FOXP1: variants seen among roughly 807,000 people sequenced by gnomAD.
The protein encoded by FOXP1 is forkhead box protein P1.
A neutral mutation model predicts 98.2 loss-of-function variants in FOXP1; 15 were observed. That is an observed-to-expected ratio of 0.15 (90% confidence interval 0.10 to 0.24). The LOEUF (loss-of-function observed/expected upper bound fraction) is 0.24, where lower values mean the gene tolerates loss of function less well. Ranked by LOEUF, FOXP1 falls within the 10% of genes least tolerant of loss-of-function variation. FOXP1 has a pLI of 1.00. For missense variants in FOXP1, 633 were observed against 848.5 expected, an observed-to-expected ratio of 0.75 and a Z score of 3.15; for synonymous variants, 371 against 314.5, an observed-to-expected ratio of 1.18 and a Z score of -1.90.
At chr3:71,318,304 C>A (rs2075198836) in intron 4 of FOXP1, among the ~76,000 whole-genome samples, 1 of 152,088 alleles carries the variant, frequency 6.6e-6, no homozygotes, top group African/African-American at 2.4e-5. Flanking sequence ...CTCTGTACCT[C>A]CAGTGACAGG....
intron 10 of FOXP1, among the ~76,000 whole-genome samples, chr3:71,043,547 A>G (rs1030559150): frequency 6.6e-6 from 1 of 152,194 alleles, no homozygotes; most frequent in Non-Finnish European, 1.5e-5. Context: ...TGTTTACTCA[A>G]TGGAAACAAT....
At chr3:71,470,002 T>A (rs1224979050) in intron 3 of FOXP1, among the ~76,000 whole-genome samples, 2 of 151,896 alleles carry the variant, frequency 1.3e-5, no homozygotes, top group Non-Finnish European at 2.9e-5. Context: ...CTCTCTCTCC[T>A]CTCGCTTTCC....
At chr3:70,995,819 C>T (rs1302994839) in intron 13 of FOXP1, among the ~76,000 whole-genome samples, 2 of 152,136 alleles carry the variant, frequency 1.3e-5, no homozygotes. Context: ...CCAACCCTTC[C>T]CTGTTAACAA....
At chr3:70,966,661 G>C (rs1010529533) in intron 19 of FOXP1, among the ~76,000 whole-genome samples, 2 of 152,094 alleles carry the variant, frequency 1.3e-5, no homozygotes, top group African/African-American at 2.4e-5. Flanking sequence ...GAAACACCAC[G>C]TAGTGTTTCA....
chr3:71,527,523 C>T (rs2043488401), intron 2 of FOXP1, among the ~76,000 whole-genome samples: 1 of 152,210 alleles, frequency 6.6e-6, no homozygotes, highest in Admixed American at 6.5e-5. Context: ...TCAGATTATG[C>T]TAAAAGCTAT....
chr3:71,198,105 C>T, intron 6 of FOXP1, 97 bp downstream of exon 6: 2 of 1,613,784 alleles, frequency 1.2e-6, no homozygotes, highest in Admixed American at 1.7e-5. Context: ...GACAGGTGAA[C>T]ACAAAACACT....
chr3:70,964,362 C>A (rs1209892675), intron 20 of FOXP1, among the ~76,000 whole-genome samples: 1 of 152,206 alleles, frequency 6.6e-6, no homozygotes, highest in Non-Finnish European at 1.5e-5. Context: ...TCACTCTGAA[C>A]TGGTGCCTGT....
chr3:71,389,025 T>A (rs1045828298), intron 3 of FOXP1, among the ~76,000 whole-genome samples: 4 of 151,944 alleles, frequency 2.6e-5, no homozygotes, highest in Non-Finnish European at 5.9e-5. Flanking sequence ...TTAATAAAGG[T>A]TCTCAGAATC....
intron 1 of FOXP1, chr3:71,583,365 G>A (rs1161039403): frequency 6.4e-6 from 5 of 775,794 alleles, no homozygotes; most frequent in Non-Finnish European, 7.8e-6. Context: ...ACCCGGGGGG[G>A]AGAGGAAGAG....
At chr3:71,434,474 C>T (rs1440350786) in intron 3 of FOXP1, among the ~76,000 whole-genome samples, 1 of 152,118 alleles carries the variant, frequency 6.6e-6, no homozygotes, top group Non-Finnish European at 1.5e-5. Flanking sequence ...GTACCTGAGG[C>T]CTTACGTTTT....
chr3:71,228,205 G>A (rs1459704429), intron 5 of FOXP1, among the ~76,000 whole-genome samples: 1 of 152,094 alleles, frequency 6.6e-6, no homozygotes, highest in African/African-American at 2.4e-5. Flanking sequence ...TAGGTCACTG[G>A]GATGCTTCCT....
chr3:71,429,095 T>C (rs2084435782), intron 3 of FOXP1, among the ~76,000 whole-genome samples: 1 of 152,162 alleles, frequency 6.6e-6, no homozygotes, highest in Non-Finnish European at 1.5e-5. Context: ...AGGCACAGGC[T>C]GGGGACGAGA....
intron 6 of FOXP1, among the ~76,000 whole-genome samples, chr3:71,139,937 T>G (rs748298716): frequency 1.3e-5 from 2 of 152,150 alleles, no homozygotes; most frequent in Non-Finnish European, 2.9e-5. Flanking sequence ...GGTTCCTAAG[T>G]GCCTCTGAAT....
At chr3:71,200,000 G>A (rs1046568645) in intron 5 of FOXP1, among the ~76,000 whole-genome samples, 2 of 149,398 alleles carry the variant, frequency 1.3e-5, no homozygotes, top group African/African-American at 2.5e-5. Flanking sequence ...TGCTTGAACC[G>A]GGACCTGGGA....
At chr3:71,460,437 T>G (rs963409646) in intron 3 of FOXP1, among the ~76,000 whole-genome samples, 18 of 151,584 alleles carry the variant, frequency 1.2e-4, no homozygotes, top group East Asian at 2.0e-4. Context: ...TTCGTTTTTT[T>G]TTGTTGTTGT....
At chr3:71,242,457 A>G (rs796228941) in intron 5 of FOXP1, among the ~76,000 whole-genome samples, 17 of 152,350 alleles carry the variant, frequency 1.1e-4, no homozygotes, top group African/African-American at 4.1e-4. Flanking sequence ...ATTAAAATAC[A>G]TCAGGAGGTA....
At chr3:71,329,283 G>C (rs898471175) in intron 4 of FOXP1, among the ~76,000 whole-genome samples, 2 of 151,314 alleles carry the variant, frequency 1.3e-5, no homozygotes, top group Non-Finnish European at 2.9e-5. Context: ...GTGCAGTGTC[G>C]TGATCTCTGC....
At chr3:71,002,878 C>G (rs2042295371) in intron 12 of FOXP1, among the ~76,000 whole-genome samples, 1 of 152,160 alleles carries the variant, frequency 6.6e-6, no homozygotes, top group South Asian at 2.1e-4. Context: ...CTCGATGACA[C>G]TGTTTGCTTC....
At chr3:71,262,434 T>C (rs1325295973) in intron 5 of FOXP1, among the ~76,000 whole-genome samples, 1 of 151,928 alleles carries the variant, frequency 6.6e-6, no homozygotes, top group East Asian at 1.9e-4. Context: ...AGATTTCTAA[T>C]ACTTCCAGAA....
Sources: gnomAD v4.1 joint callset for allele counts (sites outside exome capture counted in the v4.1 genomes callset) on GRCh38, gnomAD v4.1.1 for gene constraint, MANE v1.5 for transcripts, NCBI Gene and HGNC (gene_info 2026-07-23, HGNC 2026-07-21) for gene names.